Variants in HERC6 observed in about 807,000 individuals in gnomAD.
HERC6 encodes the protein HECT and RLD domain containing E3 ubiquitin protein ligase family member 6, also known as probable E3 ubiquitin-protein ligase HERC6.
In HERC6, 101 loss-of-function variants were observed where a neutral mutation model predicts 114.5. The observed-to-expected ratio is 0.88, with a 90% CI of 0.75 to 1.04. The LOEUF is 1.04. Ranked by LOEUF, HERC6 falls within the 50% of genes least tolerant of loss-of-function variation. HERC6 has a pLI of 0.00. For missense variants in HERC6, 1,133 were observed against 1,230.9 expected (o/e 0.92, Z 1.19); for synonymous variants, 408 against 436.2 (o/e 0.94, Z 0.81).
At chr4:88,418,880 C>T (rs1025416877) in intron 13 of HERC6, among the ~76,000 whole-genome samples, 2 of 152,048 alleles carry the variant, frequency 1.3e-5, no homozygotes, top group Admixed American at 6.6e-5. Context: ...GCACCTGCCA[C>T]CACACCCAGA....
At position 88,437,234 on chromosome 4, in the gene HERC6, C is replaced by T. The variant is rs1738854619; in HGVS notation, c.2484+263C>T. ...ACCATGCCTGGCTAATTTTTGTATT[C>T]TTTGTAGAGATGGGTTTTTGCTATC... is the stretch of plus-strand genomic sequence containing the variant. On this transcript the variant is annotated intron_variant, in intron 19 of 22. Coordinates refer to ENST00000264346, the MANE Select transcript of HERC6 (RefSeq NM_017912.4). Among the ~76,000 whole-genome samples, 5 of 151,884 alleles carry T rather than the reference C, an allele frequency of 3.3e-5. No individual in the cohort carries two copies. The South Asian group carries it at 1.0e-3, about 32-fold the overall frequency.
In HERC6 at chr4:88,431,254, T is replaced by C. The variant is rs1232990616; in HGVS notation, c.2199T>C (p.Tyr733=). 1.9e-6 allele frequency: 3 copies of C among 1,613,686 alleles called. No homozygotes were observed. Among genetic ancestry groups the C allele is most frequent in the Admixed American group, 1.7e-5 (1 of 59,994 alleles). ...CMFEEMTKPE[Y]GMFMYPEMGS... ...TTGAAGAGATGACCAAGCCAGAATA[T>C]GGAATGTTCATGTATCCTGAAATGG... Residue 733 remains tyrosine, a synonymous_variant, in exon 17 of 23, where the codon TAT becomes TAC. Coordinates refer to ENST00000264346, the MANE Select transcript of HERC6 (RefSeq NM_017912.4).
intron 3 of HERC6, among the ~76,000 whole-genome samples, chr4:88,389,387 G>T (rs559539379): frequency 6.6e-6 from 1 of 152,148 alleles, no homozygotes; most frequent in Non-Finnish European, 1.5e-5. Context: ...ACTGATGGGG[G>T]CAAAGGTTGC....
At chr4:88,390,970 A>G (rs1734891290) in intron 4 of HERC6, 91 bp downstream of exon 4, 1 of 1,042,310 alleles carries the variant, frequency 9.6e-7, no homozygotes, top group Non-Finnish European at 1.4e-6. Flanking sequence ...CGCTTAAAAC[A>G]GTGGTTCCCA....
Position 88,439,982 on chromosome 4 carries a change from T to TA in HERC6, c.2665dup (p.Arg889LysfsTer6). 1 of 1,612,588 alleles carries TA rather than the reference T, an allele frequency of 6.2e-7. No individual in the cohort carries two copies. Among genetic ancestry groups the TA allele is most frequent in the Admixed American group, 1.7e-5 (1 of 59,740 alleles). ...ATAGAGTCTGTGAGAAGGAGATACT[T>TA]AGACATTTCTACCCTGAAGAACTAA... On this transcript the variant is annotated frameshift_variant, in exon 21 of 23. Transcript: ENST00000264346. LOFTEE classifies it high-confidence loss of function.
Position 88,404,892 on chromosome 4 carries a change from G to T in HERC6, c.1109G>T (p.Arg370Leu), listed in dbSNP as rs371365965. Residue 370 changes from arginine (R) to leucine (L), a missense_variant, in exon 9 of 23, where the codon CGT becomes CTT. By Grantham distance (102) the Arg-to-Leu change is moderately radical. Transcript: ENST00000264346. Reference protein sequence around the residue: ...VTTHQDTSSTRAPGKTLPEIS... With the variant: ...VTTHQDTSSTLAPGKTLPEIS... ...TCCCTGAAGGATACTAGTTCCACAC[G>T]TGCTCCCGGGAAAACCCTGCCAGAA... 8.7e-6 allele frequency: 14 copies of T among 1,613,528 alleles called. No individual in the cohort carries two copies. The highest frequency in any genetic ancestry group is 1.2e-5 in the Non-Finnish European group (14 of 1,179,600).
intron 1 of HERC6, among the ~76,000 whole-genome samples, chr4:88,381,357 C>A (rs562802056): frequency 2.6e-5 from 4 of 152,050 alleles, no homozygotes; most frequent in Non-Finnish European, 5.9e-5. Context: ...AAGTGAAACT[C>A]AAGTGCTTCG....
intron 4 of HERC6, among the ~76,000 whole-genome samples, chr4:88,391,642 T>C (rs2148876383): frequency 6.6e-6 from 1 of 152,328 alleles, no homozygotes; most frequent in South Asian, 2.1e-4. Flanking sequence ...TCACAGTTGA[T>C]GCCAATTTGC....
chr4:88,431,330 C>G, intron 17 of HERC6, 25 bp downstream of exon 17: 4 of 1,503,450 alleles, frequency 2.7e-6, no homozygotes, highest in Non-Finnish European at 3.6e-6. Flanking sequence ...TTTTTTTTTT[C>G]CCCCAGAACA....
intron 3 of HERC6, among the ~76,000 whole-genome samples, chr4:88,385,810 C>T (rs1162573213): frequency 6.6e-6 from 1 of 152,138 alleles, no homozygotes; most frequent in African/African-American, 2.4e-5. Context: ...ACCTAACTGG[C>T]CAACTCTCTC....
chr4:88,434,010 G>C, intron 17 of HERC6, among the ~76,000 whole-genome samples: 1 of 152,178 alleles, frequency 6.6e-6, no homozygotes, highest in East Asian at 1.9e-4. Context: ...TTCCTACATT[G>C]TATTAAATAT....
intron 13 of HERC6, among the ~76,000 whole-genome samples, chr4:88,419,911 G>A (rs555168986): frequency 3.5e-4 from 53 of 152,022 alleles, no homozygotes; most frequent in African/African-American, 1.3e-3. Context: ...AACTTCAGAC[G>A]TACATCCTAG....
intron 15 of HERC6, among the ~76,000 whole-genome samples, chr4:88,424,986 A>T (rs1213791759): frequency 2.0e-5 from 3 of 152,166 alleles, no homozygotes; most frequent in Non-Finnish European, 2.9e-5. Flanking sequence ...CAACCACATG[A>T]TTCTTTCATT....
intron 12 of HERC6, 123 bp from the exon 13 acceptor site, chr4:88,417,302 A>G (rs1736577375): frequency 1.0e-6 from 1 of 954,154 alleles, no homozygotes; most frequent in South Asian, 1.6e-5. Flanking sequence ...AAAGATATTC[A>G]TAAATTATGC....
rs1175213877 is a variant in HERC6 at position 88,439,962 on chromosome 4, G to C, written c.2644G>C (p.Val882Leu). 6 of 1,610,502 alleles carry C rather than the reference G, an allele frequency of 3.7e-6. No individual in the cohort carries two copies. Among genetic ancestry groups the C allele is most frequent in the Non-Finnish European group, 5.1e-6 (6 of 1,178,808 alleles). ...GGAATTTCAGAGAGGATTTTATAGA[G>C]TCTGTGAGAAGGAGATACTTAGACA... ...YEEFQRGFYR[V>L]CEKEILRHFY... Residue 882 changes from valine (V) to leucine (L), a missense_variant, in exon 21 of 23, where the codon GTC becomes CTC. Around this residue, in one of 3 missense-constraint regions of HERC6, gnomAD observed 388 missense variants for 445.9 expected, o/e 0.87. Transcript: ENST00000264346.
At position 88,437,776 on chromosome 4, in the gene HERC6, C is replaced by T. The variant is rs1384183389; in HGVS notation, c.2550C>T (p.Thr850=). 2 of 1,601,612 alleles carry T rather than the reference C, an allele frequency of 1.2e-6. No individual in the cohort carries two copies. The highest frequency in any genetic ancestry group is 1.3e-5 in the African/African-American group (1 of 74,692). ...GGATCTCCATACCTGTGGACCAAAC[C>T]AACAAGTAAGTTTTGACAGCTAGAA... ...PNGISIPVDQ[T]NKRDYVSKYI... is the part of the protein sequence containing the mutation. Residue 850 remains threonine, a synonymous_variant, in exon 20 of 23, where the codon ACC becomes ACT. Transcript: ENST00000264346.
intron 15 of HERC6, among the ~76,000 whole-genome samples, chr4:88,426,438 G>C (rs1279061059): frequency 6.6e-6 from 1 of 151,588 alleles, no homozygotes; most frequent in Non-Finnish European, 1.5e-5. Flanking sequence ...AAAGTGCTGG[G>C]ATTACAGGCG....
At chr4:88,439,745 T>C in intron 20 of HERC6, 129 bp from the exon 21 acceptor site, 2 of 836,248 alleles carry the variant, frequency 2.4e-6, no homozygotes, top group Non-Finnish European at 3.4e-6. Flanking sequence ...TACAACATTC[T>C]TGTGCTATAT....
At position 88,396,967 on chromosome 4, in the gene HERC6, G is replaced by A; in HGVS notation, c.1004G>A (p.Ser335Asn). 1.2e-6 allele frequency: 2 copies of A among 1,612,072 alleles called. No individual in the cohort carries two copies. Among genetic ancestry groups the A allele is most frequent in the African/African-American group, 2.7e-5 (2 of 74,950 alleles). The part of the protein sequence containing the change: ...PEALTENFDI[S>N]CLISAEDFVD... ...GCCCTGACAGAGAACTTTGACATTA[G>A]CTGCCTGATTTCTGCTGAAGGTGTG... Residue 335 changes from serine to asparagine, a missense_variant, in exon 7 of 23, where the codon AGC (serine) becomes AAC (asparagine). Coordinates refer to ENST00000264346, the MANE Select transcript of HERC6 (RefSeq NM_017912.4).
Sources: allele counts gnomAD v4.1 joint callset (sites outside exome capture counted in the v4.1 genomes callset), GRCh38; gene constraint gnomAD v4.1.1; regional missense constraint gnomAD v4.1.1; transcripts MANE v1.5; gene names NCBI Gene and HGNC (gene_info 2026-07-23, HGNC 2026-07-21).